KDM6B: variants seen among roughly 807,000 people sequenced by gnomAD.
KDM6B encodes lysine demethylase 6B, also known as lysine-specific demethylase 6B.
KDM6B carries 22 observed loss-of-function variants against 150.4 expected under a neutral mutation model. The observed-to-expected ratio is 0.15, with a 90% CI of 0.10 to 0.21. The LOEUF is 0.21. Ranked by LOEUF, KDM6B falls within the 10% of genes least tolerant of loss-of-function variation. KDM6B has a pLI of 1.00. For synonymous variants in KDM6B, 1,148 were observed against 921.1 expected, an observed-to-expected ratio of 1.25 and a Z score of -4.46; for missense variants, 1,984 against 2,234.3, an observed-to-expected ratio of 0.89 and a Z score of 2.26.
intron 23 of KDM6B, 36 bp downstream of exon 23, chr17:7,853,416 G>A: frequency 6.5e-7 from 1 of 1,532,594 alleles, no homozygotes; most frequent in Non-Finnish European, 8.7e-7. Context: ...AGCGGAGGAG[G>A]GCACTGGGGC....
At position 7,846,371 on chromosome 17, in the gene KDM6B, GCCCCTGCCC is replaced by G; in HGVS notation, c.457-27_457-19del. On this transcript the variant is annotated intron_variant, in intron 7 of 23. Coordinates refer to ENST00000448097, the MANE Select transcript of KDM6B (RefSeq NM_001348716.2). ...TGGCTCAGTGCCCCACCTGACATCT[GCCCCTGCCC>G]CGTGTCCCCCCACCCCCAGGCCCAG... The G allele has an allele frequency of 6.7e-7, 1 of 1,488,920 alleles. No homozygotes were observed. The highest frequency in any genetic ancestry group is 9.2e-7 in the Non-Finnish European group (1 of 1,089,122). 92.2% of individuals were successfully genotyped at this position (1,488,920 alleles called of 1,614,324 possible). A position where few individuals can be genotyped will look rare whatever the true frequency, so the allele number is the denominator to read the frequency against.
intron 18 of KDM6B, 30 bp from the exon 19 acceptor site, chr17:7,851,921 A>C (rs747953936): frequency 1.2e-6 from 2 of 1,610,664 alleles, no homozygotes; most frequent in African/African-American, 1.3e-5. Context: ...CGACCTGGCC[A>C]GCCATGCCGT....
At chr17:7,851,447 C>G (rs2078693063) in intron 16 of KDM6B, 31 bp from the exon 17 acceptor site, 1 of 1,614,218 alleles carries the variant, frequency 6.2e-7, no homozygotes, top group East Asian at 2.2e-5. Flanking sequence ...TCCCTCTGCT[C>G]TCCACCAACC....
chr17:7,841,371 G>C (rs1478603372), intron 2 of KDM6B, among the ~76,000 whole-genome samples: 1 of 152,214 alleles, frequency 6.6e-6, no homozygotes, highest in Non-Finnish European at 1.5e-5. Context: ...CGTCAGGATC[G>C]AGAGGAGTGT....
Position 7,846,808 on chromosome 17 carries a change from T to C in KDM6B, c.712-11T>C. 1 of 1,613,478 alleles carries C rather than the reference T, an allele frequency of 6.2e-7. No individual in the cohort carries two copies. The highest frequency in any genetic ancestry group is 8.5e-7 in the Non-Finnish European group (1 of 1,179,838). Reference sequence around the variant, plus strand: ...TTGGGAATGGGATTCTCACACTCTCTTCTCTCCTAGACTGGCCTTCCCCCA... The same window carrying C: ...TTGGGAATGGGATTCTCACACTCTCCTCTCTCCTAGACTGGCCTTCCCCCA... On this transcript the variant is annotated splice_polypyrimidine_tract_variant and intron_variant, in intron 9 of 23. Coordinates refer to ENST00000448097, the MANE Select transcript of KDM6B (RefSeq NM_001348716.2).
chr17:7,847,354 C>G lies in KDM6B; in HGVS notation c.1159C>G (p.Pro387Ala), dbSNP rs1447674696. Residue 387 changes from proline (P) to alanine (A), a missense_variant, in exon 11 of 24, where the codon CCT becomes GCT. By Grantham distance (27) the Pro-to-Ala change is conservative (BLOSUM62 -1). Around this residue, in one of 13 missense-constraint regions of KDM6B, gnomAD observed 1,379 missense variants for 1,275.6 expected, o/e 1.08. Transcript: ENST00000448097. ...AACCACCGCCTGCGTGCCTTACGCC[C>G]CTTCCCGGCCCCCTGGCCTCCCCGG... is the stretch of plus-strand genomic sequence containing the variant. Reference protein sequence around the residue: ...AATTACVPYAPSRPPGLPGTT... With the variant: ...AATTACVPYAASRPPGLPGTT... 3 of 1,612,040 alleles carry G rather than the reference C, an allele frequency of 1.9e-6. No individual in the cohort carries two copies. The highest frequency in any genetic ancestry group is 2.5e-6 in the Non-Finnish European group (3 of 1,179,918).
rs750971616 is a variant in KDM6B, at chr17:7,846,894, C to CCACCAT, written c.791_792insATCACC (p.Pro264_Leu265insSerPro). On this transcript the variant is annotated inframe_insertion, in exon 10 of 24. Transcript: ENST00000448097. ...ACCACCACCACCACCACCACCACCACCACCCCTGCCTGGCCTGGCTACCAG... is the reference window on the plus strand; with the variant it reads ...ACCACCACCACCACCACCACCACCACCACCATCACCCCTGCCTGGCCTGGCTACCAG... 18 of 1,599,496 alleles carry CCACCAT rather than the reference C, an allele frequency of 1.1e-5. No homozygotes were observed. The East Asian group carries it at 2.5e-4, about 22-fold the overall frequency.
At chr17:7,842,146 G>A (rs972325409) in intron 2 of KDM6B, among the ~76,000 whole-genome samples, 1 of 152,222 alleles carries the variant, frequency 6.6e-6, no homozygotes, top group Non-Finnish European at 1.5e-5. Flanking sequence ...CTGCGCGGAG[G>A]GGCTCCTCGG....
At position 7,846,841 on chromosome 17, in the gene KDM6B, C is replaced by T. The variant is rs1194350245; in HGVS notation, c.734C>T (p.Pro245Leu). The T allele has an allele frequency of 6.2e-7, 1 of 1,608,610 alleles. No homozygotes were observed. The change falls in exon 10 of 24, where the codon CCA becomes CTA. Residue 245 changes from proline to leucine, a missense_variant. Transcript: ENST00000448097. The part of the protein sequence containing the change: ...SEQTGLPPGL[P>L]LPPPPLPPPP... The stretch of plus-strand genomic sequence containing the variant: ...TAGACTGGCCTTCCCCCAGGGCTGC[C>T]ACTGCCTCCACCACCATTACCACCA...
intron 13 of KDM6B, 51 bp downstream of exon 13, chr17:7,849,998 C>T (rs1362616921): frequency 1.2e-6 from 2 of 1,613,524 alleles, no homozygotes; most frequent in Admixed American, 1.7e-5. Flanking sequence ...GGTTCTAAGA[C>T]AGTGTTGGGG....
intron 1 of KDM6B, among the ~76,000 whole-genome samples, chr17:7,835,593 C>T (rs1196424533): frequency 1.3e-5 from 2 of 152,216 alleles, no homozygotes; most frequent in East Asian, 3.9e-4. Context: ...TCCGCCCAAT[C>T]CGCTCCAGCG....
intron 14 of KDM6B, 49 bp downstream of exon 14, chr17:7,850,226 G>A (rs755554366): frequency 6.8e-7 from 1 of 1,463,204 alleles, no homozygotes. Flanking sequence ...AGGGTCTGGG[G>A]CATGTAGGAC....
intron 1 of KDM6B, among the ~76,000 whole-genome samples, chr17:7,835,710 C>T (rs1009607374): frequency 2.6e-5 from 4 of 152,092 alleles, no homozygotes; most frequent in African/African-American, 9.7e-5. Context: ...CAGCAGCTGC[C>T]TGGGACCCGC....
intron 3 of KDM6B, 102 bp downstream of exon 3, chr17:7,845,122 C>T (rs1041257871): frequency 2.6e-5 from 7 of 266,872 alleles, no homozygotes; most frequent in African/African-American, 1.5e-4. Flanking sequence ...TTCCCTGCCA[C>T]ACACGTCCTG....
At position 7,851,323 on chromosome 17, in the gene KDM6B, T is replaced by C. The variant is rs537251012; in HGVS notation, c.3880-7T>C. ...GACCCAGGCCTGCCTACCCTCTGGC[T>C]GAACAGGAGGAGAAGGAGAGTGAGG... On this transcript the variant is annotated splice_polypyrimidine_tract_variant and splice_region_variant and intron_variant, in intron 15 of 23. Coordinates refer to ENST00000448097, the MANE Select transcript of KDM6B (RefSeq NM_001348716.2). 15 of 1,614,028 alleles carry C rather than the reference T, an allele frequency of 9.3e-6. No individual in the cohort carries two copies. In the East Asian group the frequency reaches 3.1e-4, roughly 34 times the overall value.
At chr17:7,836,808 C>T (rs1341777293) in intron 1 of KDM6B, among the ~76,000 whole-genome samples, 1 of 152,212 alleles carries the variant, frequency 6.6e-6, no homozygotes, top group Non-Finnish European at 1.5e-5. Context: ...GCTTAGCCAG[C>T]ACACCCACTC....
In KDM6B at chr17:7,853,684, T is replaced by TC; in HGVS notation, c.*163_*164insC. ...TCACTTAATTTATTAAGAAAAACTTTTTTTTTTTTTTTAGCAAATATGAGG... is the reference window on the plus strand; with the variant it reads ...TCACTTAATTTATTAAGAAAAACTTTCTTTTTTTTTTTTAGCAAATATGAGG... On this transcript the variant is annotated 3_prime_UTR_variant, in exon 24 of 24. Coordinates refer to ENST00000448097, the MANE Select transcript of KDM6B (RefSeq NM_001348716.2). The TC allele has an allele frequency of 2.4e-6, 1 of 420,776 alleles. No homozygotes were observed. Among genetic ancestry groups the TC allele is most frequent in the Non-Finnish European group, 3.9e-6 (1 of 259,590 alleles). The allele number at this position is 420,776 out of a possible 1,614,324, so 26.1% of individuals were successfully genotyped here.
Position 7,847,681 on chromosome 17 carries a change from C to T in KDM6B, c.1393C>T (p.Pro465Ser), listed in dbSNP as rs1294590488. 1.9e-6 allele frequency: 3 copies of T among 1,587,388 alleles called. No homozygotes were observed. The highest frequency in any genetic ancestry group is 1.1e-5 in the South Asian group (1 of 88,524). Residue 465 changes from proline (P) to serine (S), a missense_variant, in exon 12 of 24, where the codon CCT becomes TCT. Pro to Ser is a moderately conservative substitution (Grantham distance 74, BLOSUM62 -1). Coordinates refer to ENST00000448097, the MANE Select transcript of KDM6B (RefSeq NM_001348716.2). ...ATPHLSLPPGPSSPPPPPCPR... is the reference protein window; with the variant it reads ...ATPHLSLPPGSSSPPPPPCPR... ...TCCCCACCTATCCCTGCCACCTGGA[C>T]CTTCCTCACCCCCTCCACCCCCCTG... is the stretch of plus-strand genomic sequence containing the variant.
Position 7,848,460 on chromosome 17 carries a change from G to C in KDM6B, c.2172G>C (p.Pro724=), listed in dbSNP as rs3744249. The change falls in exon 12 of 24, where the codon CCG becomes CCC. Residue 724 remains proline (P), a synonymous_variant. Transcript: ENST00000448097. ...AAGCAGGCGTGGCCCCCCAACCCCC[G>C]CTGAAGGAGCCCTTTGCATCTCTGC... is the stretch of plus-strand genomic sequence containing the variant. The part of the protein sequence containing the change: ...QHEAGVAPQP[P]LKEPFASLQS... 1 of 1,588,424 alleles carries C rather than the reference G, an allele frequency of 6.3e-7. No homozygotes were observed. The highest frequency in any genetic ancestry group is 1.4e-5 in the African/African-American group (1 of 71,998).
Sources: gnomAD v4.1 joint callset for allele counts (sites outside exome capture counted in the v4.1 genomes callset) on GRCh38, gnomAD v4.1.1 for gene constraint, gnomAD v4.1.1 regional missense constraint, MANE v1.5 for transcripts, NCBI Gene and HGNC (gene_info 2026-07-23, HGNC 2026-07-21) for gene names.